Variants in GABRG3 observed in about 807,000 individuals in gnomAD.
GABRG3 encodes gamma-aminobutyric acid type A receptor subunit gamma3, also known as gamma-aminobutyric acid receptor subunit gamma-3.
A neutral mutation model predicts 48.8 loss-of-function variants in GABRG3; 25 were observed. The observed-to-expected ratio is 0.51, with a 90% CI of 0.37 to 0.72. The LOEUF is 0.72. GABRG3 is among the 30% of genes least tolerant of loss of function. The pLI is 0.00. For synonymous variants in GABRG3, 227 were observed against 217.6 expected, an observed-to-expected ratio of 1.04 and a Z score of -0.38; for missense variants, 394 against 577.9, an observed-to-expected ratio of 0.68 and a Z score of 3.26.
At chr15:27,459,655 A>G (rs1422497987) in intron 5 of GABRG3, among the ~76,000 whole-genome samples, 1 of 152,220 alleles carries the variant, frequency 6.6e-6, no homozygotes, top group Admixed American at 6.5e-5. Flanking sequence ...AAAGGAAACT[A>G]TAAAAAAATA....
At chr15:26,999,398 G>A (rs1595463133) in intron 2 of GABRG3, among the ~76,000 whole-genome samples, 1 of 152,096 alleles carries the variant, frequency 6.6e-6, no homozygotes, top group East Asian at 1.9e-4. Context: ...CCAAAGGATG[G>A]TTATACTTTA....
At chr15:27,417,580 G>A (rs1887978620) in intron 5 of GABRG3, among the ~76,000 whole-genome samples, 1 of 152,086 alleles carries the variant, frequency 6.6e-6, no homozygotes, top group African/African-American at 2.4e-5. Flanking sequence ...CAGCTCATCG[G>A]CCTTCACAGT....
intron 5 of GABRG3, among the ~76,000 whole-genome samples, chr15:27,357,577 T>G (rs961945154): frequency 6.6e-6 from 1 of 152,194 alleles, no homozygotes; most frequent in African/African-American, 2.4e-5. Flanking sequence ...ATAACTCTAT[T>G]ATACCACCCA....
intron 6 of GABRG3, among the ~76,000 whole-genome samples, chr15:27,515,010 G>A (rs968310975): frequency 2.0e-4 from 30 of 152,250 alleles, no homozygotes; most frequent in African/African-American, 7.0e-4. Flanking sequence ...GACACAAATG[G>A]TATGAATGGT....
At chr15:27,295,852 C>G (rs980280008) in intron 3 of GABRG3, among the ~76,000 whole-genome samples, 10 of 152,274 alleles carry the variant, frequency 6.6e-5, no homozygotes, top group Admixed American at 2.0e-4. Flanking sequence ...GTGATCTAGG[C>G]CACTTCAAAG....
chr15:27,137,062 C>T (rs1898021672), intron 3 of GABRG3, among the ~76,000 whole-genome samples: 2 of 152,196 alleles, frequency 1.3e-5, no homozygotes, highest in South Asian at 2.1e-4. Context: ...CTGCCTGACT[C>T]GTACCTGCCT....
At chr15:27,140,034 G>A (rs913822243) in intron 3 of GABRG3, among the ~76,000 whole-genome samples, 2 of 152,192 alleles carry the variant, frequency 1.3e-5, no homozygotes, top group African/African-American at 2.4e-5. Flanking sequence ...GGGAGGGCTC[G>A]GAAGCTCCAC....
intron 2 of GABRG3, among the ~76,000 whole-genome samples, chr15:26,997,702 G>A (rs748164815): frequency 4.6e-5 from 7 of 152,098 alleles, no homozygotes; most frequent in Non-Finnish European, 4.4e-5. Flanking sequence ...AGTCATTTTA[G>A]ACAGTTAGAT....
At chr15:27,170,593 C>A (rs1887534890) in intron 3 of GABRG3, among the ~76,000 whole-genome samples, 1 of 152,044 alleles carries the variant, frequency 6.6e-6, no homozygotes, top group African/African-American at 2.4e-5. Context: ...GAAAGACAGA[C>A]AGAAACATAT....
rs573886538 is a variant in GABRG3, at chr15:27,180,212, C to T, written c.271-146597C>T. 6.6e-6 allele frequency among the ~76,000 whole-genome samples: 1 copy of T among 152,182 alleles called. No individual in the cohort carries two copies. Among genetic ancestry groups the T allele is most frequent in the South Asian group, 2.1e-4 (1 of 4,818 alleles). On this transcript the variant is annotated intron_variant, in intron 3 of 9. Transcript: ENST00000615808. The surrounding 1 kb of genome is among the most constrained non-coding windows in gnomAD (Gnocchi z 4.2). Reference sequence around the variant, plus strand: ...ATGAACACACACTTTTTCTGAAGGACCTTAGCACGGTCTAAATAAAGTTTG... The same window carrying T: ...ATGAACACACACTTTTTCTGAAGGATCTTAGCACGGTCTAAATAAAGTTTG...
intron 5 of GABRG3, among the ~76,000 whole-genome samples, chr15:27,349,875 G>A (rs966545695): frequency 2.7e-4 from 41 of 151,248 alleles, no homozygotes; most frequent in African/African-American, 9.2e-4. Flanking sequence ...TCTCTATAAA[G>A]TTGCAGAACC....
chr15:27,328,151 G>A (rs890359332), intron 4 of GABRG3, among the ~76,000 whole-genome samples: 3 of 150,618 alleles, frequency 2.0e-5, no homozygotes, highest in African/African-American at 7.3e-5. Flanking sequence ...ACACGCCACA[G>A]CTGGGAACCA....
At chr15:27,309,069 A>G (rs1892894854) in intron 3 of GABRG3, among the ~76,000 whole-genome samples, 1 of 150,782 alleles carries the variant, frequency 6.6e-6, no homozygotes, top group Non-Finnish European at 1.5e-5. Flanking sequence ...CATATAATGT[A>G]AACATGTTTA....
At chr15:27,055,016 T>G (rs1045887196) in intron 3 of GABRG3, among the ~76,000 whole-genome samples, 2 of 151,700 alleles carry the variant, frequency 1.3e-5, no homozygotes, top group East Asian at 1.9e-4. Context: ...GTTTTTTTTT[T>G]TTTTTTTTTT....
intron 3 of GABRG3, among the ~76,000 whole-genome samples, chr15:27,095,946 C>T (rs1263079223): frequency 4.6e-5 from 7 of 152,206 alleles, no homozygotes; most frequent in African/African-American, 1.7e-4. Flanking sequence ...GCACCCACAA[C>T]AACTCTTCCA....
At chr15:27,047,911 T>A (rs1176211067) in intron 3 of GABRG3, among the ~76,000 whole-genome samples, 1 of 152,240 alleles carries the variant, frequency 6.6e-6, no homozygotes, top group Non-Finnish European at 1.5e-5. Flanking sequence ...CTAAATGTGT[T>A]GAACCCAGAT....
chr15:27,415,894 T>G (rs1348476693), intron 5 of GABRG3, among the ~76,000 whole-genome samples: 2 of 152,144 alleles, frequency 1.3e-5, no homozygotes, highest in African/African-American at 4.8e-5. Context: ...TACTCTATGG[T>G]CACCTTACTG....
Position 27,049,288 on chromosome 15 carries a change from G to A in GABRG3, c.270+22467G>A, listed in dbSNP as rs150511614. Among the ~76,000 whole-genome samples, 38 of 152,334 alleles carry A rather than the reference G, an allele frequency of 2.5e-4. 1 individual carries two copies. Among genetic ancestry groups the A allele is most frequent in the South Asian group, 1.5e-3 (7 of 4,822 alleles). On this transcript the variant is annotated intron_variant, in intron 3 of 9. Transcript: ENST00000615808. Reference sequence around the variant, plus strand: ...TTGCCTTCAGGTAGTTCATGCTTTCGCGTTACATGGGTCCACAGACTACAG... The same window carrying A: ...TTGCCTTCAGGTAGTTCATGCTTTCACGTTACATGGGTCCACAGACTACAG...
At chr15:27,192,513 G>T (rs1224701124) in intron 3 of GABRG3, among the ~76,000 whole-genome samples, 3 of 151,890 alleles carry the variant, frequency 2.0e-5, no homozygotes, top group Admixed American at 2.0e-4. Flanking sequence ...CCAGTTGATC[G>T]CATTGGCTCC....
Sources: allele counts gnomAD v4.1 joint callset (sites outside exome capture counted in the v4.1 genomes callset), GRCh38; gene constraint gnomAD v4.1.1; non-coding constraint Gnocchi (gnomAD v3.1); transcripts MANE v1.5; gene names NCBI Gene and HGNC (gene_info 2026-07-23, HGNC 2026-07-21).